The following LAMC2 variants were observed in gnomAD, a reference collection of about 807,000 sequenced individuals.
The protein encoded by LAMC2 is laminin subunit gamma-2.
Under a neutral mutation model 140.2 loss-of-function variants are expected in LAMC2, and 97 were observed. That is an observed-to-expected ratio of 0.69 (90% CI 0.59 to 0.82). LAMC2 has a LOEUF of 0.82. LAMC2 is among the 40% of genes least tolerant of loss of function. LAMC2 has a pLI of 0.00. For synonymous variants in LAMC2, 513 were observed against 540.2 expected, an observed-to-expected ratio of 0.95 and a Z score of 0.70; for missense variants, 1,402 against 1,476.1, an observed-to-expected ratio of 0.95 and a Z score of 0.82.
intron 1 of LAMC2, among the ~76,000 whole-genome samples, chr1:183,207,590 A>G (rs573886035): frequency 6.6e-6 from 1 of 152,194 alleles, no homozygotes; most frequent in South Asian, 2.1e-4. Flanking sequence ...GTAATTTAAC[A>G]TTTTGGGTTT....
At chr1:183,240,793 G>A in intron 22 of LAMC2, 1 of 655,432 alleles carries the variant, frequency 1.5e-6, no homozygotes, top group South Asian at 5.5e-5. Flanking sequence ...GGGCAGCCGA[G>A]TGGAGGAAAG....
chr1:183,238,923 A>G lies in LAMC2; in HGVS notation c.2870-441A>G, dbSNP rs78798936. On this transcript the variant is annotated intron_variant, in intron 19 of 22. Coordinates refer to ENST00000264144, the MANE Select transcript of LAMC2 (RefSeq NM_005562.3). Reference sequence around the variant, plus strand: ...TAGATTTGTGCCTCGCAGAGATTTCATTAAAATTTCAGGCTTCTTCACTAA... The same window carrying G: ...TAGATTTGTGCCTCGCAGAGATTTCGTTAAAATTTCAGGCTTCTTCACTAA... Among the ~76,000 whole-genome samples the G allele has an allele frequency of 7.4e-3, 1,131 of 152,336 alleles. 10 individuals carry two copies. Among genetic ancestry groups the G allele is most frequent in the Non-Finnish European group, 0.013 (853 of 68,030 alleles).
chr1:183,239,268 CTCTT>C (rs1356410482), intron 19 of LAMC2, 92 bp from the exon 20 acceptor site: 14 of 1,118,726 alleles, frequency 1.3e-5, no homozygotes, highest in Non-Finnish European at 1.9e-5. Context: ...AGTAATAACA[CTCTT>C]TCAGGAATTT....
In LAMC2 at chr1:183,240,027, T is replaced by C; in HGVS notation, c.3070-13T>C. The stretch of plus-strand genomic sequence containing the variant: ...ATCTCTCCTTCCGTCCCTGGCTCCT[T>C]TTCTTCTCTCAGGAGATTGGGAGTC... On this transcript the variant is annotated splice_polypyrimidine_tract_variant and intron_variant, in intron 20 of 22. Transcript: ENST00000264144. 1.2e-6 allele frequency: 2 copies of C among 1,614,204 alleles called. No homozygotes were observed. The highest frequency in any genetic ancestry group is 1.7e-6 in the Non-Finnish European group (2 of 1,180,018).
intron 1 of LAMC2, among the ~76,000 whole-genome samples, chr1:183,189,895 A>C (rs1000825797): frequency 6.6e-6 from 1 of 152,228 alleles, no homozygotes. Flanking sequence ...AGAATCCATG[A>C]TTATCATAGA....
chr1:183,211,308 TG>T (rs1330935785), intron 2 of LAMC2, among the ~76,000 whole-genome samples: 1 of 146,620 alleles, frequency 6.8e-6, no homozygotes, highest in Admixed American at 6.9e-5. Context: ...GCTAAGTTTT[TG>T]AGGTCTATGT....
intron 1 of LAMC2, among the ~76,000 whole-genome samples, chr1:183,202,910 G>A (rs867499411): frequency 2.6e-5 from 4 of 152,256 alleles, no homozygotes; most frequent in Middle Eastern, 3.4e-3. Flanking sequence ...CCATCTATGG[G>A]TTTTTTAAAG....
At chr1:183,241,863 A>G (rs1027580088) in intron 22 of LAMC2, among the ~76,000 whole-genome samples, 1 of 152,214 alleles carries the variant, frequency 6.6e-6, no homozygotes, top group Non-Finnish European at 1.5e-5. Flanking sequence ...CTAAAAAAAA[A>G]AGAAAGGCAA....
intron 18 of LAMC2, 152 bp from the exon 19 acceptor site, chr1:183,238,155 G>A (rs1571540753): frequency 1.5e-6 from 1 of 655,884 alleles, no homozygotes; most frequent in Non-Finnish European, 2.8e-6. Flanking sequence ...TATAAAGTTT[G>A]CTCTGTCCCA....
intron 1 of LAMC2, among the ~76,000 whole-genome samples, chr1:183,194,156 G>A (rs1198721349): frequency 2.0e-5 from 3 of 151,510 alleles, no homozygotes; most frequent in African/African-American, 4.9e-5. Context: ...CTGATGTCAC[G>A]TGATCTGCCC....
chr1:183,232,442 CA>C, intron 13 of LAMC2, 99 bp downstream of exon 13: 1 of 1,357,244 alleles, frequency 7.4e-7, no homozygotes, highest in Non-Finnish European at 1.0e-6. Flanking sequence ...ATCAGTTCAG[CA>C]GTTATCTCCA....
At chr1:183,236,326 C>A in intron 16 of LAMC2, 134 bp from the exon 17 acceptor site, 1 of 793,440 alleles carries the variant, frequency 1.3e-6, no homozygotes, top group Non-Finnish European at 2.0e-6. Flanking sequence ...GAGGATGAGG[C>A]TATAGTGAGC....
intron 14 of LAMC2, 34 bp from the exon 15 acceptor site, chr1:183,234,333 C>T (rs767945237): frequency 9.6e-6 from 15 of 1,557,792 alleles, no homozygotes; most frequent in African/African-American, 9.5e-5. Context: ...AAGCCTTAAC[C>T]GATTCGCCTT....
chr1:183,215,931 G>A (rs1223630014), intron 3 of LAMC2, among the ~76,000 whole-genome samples: 2 of 152,216 alleles, frequency 1.3e-5, no homozygotes, highest in Non-Finnish European at 2.9e-5. Flanking sequence ...GAGGCAACAA[G>A]TCCTTCAAGT....
Position 183,238,310 on chromosome 1 carries a change from T to A in LAMC2, c.2758T>A (p.Ser920Thr), listed in dbSNP as rs1008394786. ...LQNGKSGREKSDQLLSRANLA... is the reference protein window; with the variant it reads ...LQNGKSGREKTDQLLSRANLA... ...TGTTCTATCTGCCTTTTTACAGAAA[T>A]CAGATCAGCTGCTTTCCCGTGCCAA... is the stretch of plus-strand genomic sequence containing the variant. The change falls in exon 19 of 23, where the codon TCA (serine) becomes ACA (threonine). Residue 920 changes from serine to threonine, a missense_variant. By Grantham distance (58) the Ser-to-Thr change is moderately conservative (BLOSUM62 1). Transcript: ENST00000264144. 1.2e-6 allele frequency: 2 copies of A among 1,611,690 alleles called. No individual in the cohort carries two copies. The highest frequency in any genetic ancestry group is 2.7e-5 in the African/African-American group (2 of 74,870).
chr1:183,208,847 T>A (rs1002706614), intron 2 of LAMC2, among the ~76,000 whole-genome samples: 1 of 151,922 alleles, frequency 6.6e-6, no homozygotes, highest in Non-Finnish European at 1.5e-5. Flanking sequence ...GCCCAGCTAA[T>A]TTTTTGTATT....
chr1:183,234,466 A>C lies in LAMC2; in HGVS notation c.2300+20A>C, dbSNP rs900259799. ...AGAAAGGTGAGCAGCATTAGAGGGC[A>C]CCTCTGCTTCAAGCCGTCTCTGCAA... On this transcript the variant is annotated intron_variant, in intron 15 of 22. Coordinates refer to ENST00000264144, the MANE Select transcript of LAMC2 (RefSeq NM_005562.3). The C allele has an allele frequency of 2.5e-6, 4 of 1,593,644 alleles. No homozygotes were observed. Among genetic ancestry groups the C allele is most frequent in the Non-Finnish European group, 3.4e-6 (4 of 1,161,582 alleles).
rs146687665 is a variant in LAMC2 at position 183,231,042 on chromosome 1, G to T, written c.1796G>T (p.Gly599Val). Residue 599 changes from glycine (G) to valine (V), a missense_variant, in exon 12 of 23, where the codon GGC (glycine) becomes GTC (valine). This residue lies in a region of LAMC2 where 723 missense variants were observed against 783.3 expected (regional missense o/e 0.92). Transcript: ENST00000264144. The part of the protein sequence containing the change: ...GTCVCKPGFG[G>V]PNCEHGAFSC... ...TGTGTTTGCAAGCCAGGATTTGGTG[G>T]CCCCAACTGTGAGCATGGAGCATTC... 208 of 1,614,030 alleles carry T rather than the reference G, an allele frequency of 1.3e-4. 2 individuals carry two copies. The African/African-American group carries it at 2.2e-3, about 17-fold the overall frequency.
intron 3 of LAMC2, 50 bp from the exon 4 acceptor site, chr1:183,218,340 T>C (rs551840827): frequency 1.4e-6 from 2 of 1,398,386 alleles, no homozygotes; most frequent in East Asian, 4.6e-5. Flanking sequence ...TGTGCATAGT[T>C]GTGAAGCATT....
Sources: allele counts gnomAD v4.1 joint callset (sites outside exome capture counted in the v4.1 genomes callset), GRCh38; gene constraint gnomAD v4.1.1; regional missense constraint gnomAD v4.1.1; transcripts MANE v1.5; gene names NCBI Gene and HGNC (gene_info 2026-07-23, HGNC 2026-07-21).